The following SGCD variants were observed in gnomAD, a reference collection of about 807,000 sequenced individuals.
SGCD encodes sarcoglycan delta.
SGCD carries 18 observed loss-of-function variants against 36.6 expected under a neutral mutation model. The observed-to-expected ratio is 0.49, with a 90% CI of 0.34 to 0.73. SGCD has a LOEUF of 0.73. SGCD is among the 30% of genes least tolerant of loss of function. The probability of loss-of-function intolerance (pLI) is 0.01; values close to 1 mark genes in which losing one functional copy is unlikely to be tolerated. For missense variants in SGCD, 387 were observed against 346.7 expected (o/e 1.12, Z -0.92); for synonymous variants, 133 against 130.6 (o/e 1.02, Z -0.12).
intron 6 of SGCD, among the ~76,000 whole-genome samples, chr5:156,606,129 G>A (rs1434820052): frequency 6.6e-6 from 1 of 152,164 alleles, no homozygotes; most frequent in African/African-American, 2.4e-5. Context: ...CCATGCCTAT[G>A]TCCTGAATGG....
intron 1 of SGCD, among the ~76,000 whole-genome samples, chr5:156,057,092 A>G (rs1355368468): frequency 6.8e-6 from 1 of 146,760 alleles, no homozygotes; most frequent in Non-Finnish European, 1.5e-5. Context: ...TAAATAGACT[A>G]TCTCTTAGCT....
intron 3 of SGCD, among the ~76,000 whole-genome samples, chr5:156,426,390 G>T (rs1013770973): frequency 1.3e-5 from 2 of 151,866 alleles, no homozygotes; most frequent in African/African-American, 4.8e-5. Context: ...GTCTATTCAT[G>T]TTCTTTAATT....
intron 3 of SGCD, among the ~76,000 whole-genome samples, chr5:156,488,297 T>C (rs1215376964): frequency 6.6e-6 from 1 of 151,938 alleles, no homozygotes; most frequent in Non-Finnish European, 1.5e-5. Context: ...ACAAAAGGTG[T>C]AAGCATCAAA....
At chr5:156,217,695 T>G (rs551884790) in intron 3 of SGCD, among the ~76,000 whole-genome samples, 1 of 152,298 alleles carries the variant, frequency 6.6e-6, no homozygotes, top group Non-Finnish European at 1.5e-5. Flanking sequence ...TTCAAAAAAT[T>G]TTTAATCAGG....
intron 3 of SGCD, among the ~76,000 whole-genome samples, chr5:156,466,558 C>T (rs1190019564): frequency 6.6e-6 from 1 of 152,106 alleles, no homozygotes; most frequent in African/African-American, 2.4e-5. Flanking sequence ...ATTAAGAGTA[C>T]ACACTCTTTC....
intron 4 of SGCD, among the ~76,000 whole-genome samples, chr5:156,554,822 T>A (rs937335299): frequency 6.6e-5 from 10 of 152,054 alleles, no homozygotes; most frequent in Non-Finnish European, 1.3e-4. Context: ...TCCAAGTGTT[T>A]TCCACAGTAG....
At chr5:155,861,489 T>A in the SGCD span, among the ~76,000 whole-genome samples, 1 of 151,804 alleles carries the variant, frequency 6.6e-6, no homozygotes, top group East Asian at 2.0e-4. Context: ...GATCACAAGG[T>A]CACGGTACTA....
intron 3 of SGCD, among the ~76,000 whole-genome samples, chr5:156,304,724 G>A (rs1767157612): frequency 6.6e-6 from 1 of 152,180 alleles, no homozygotes; most frequent in South Asian, 2.1e-4. Flanking sequence ...GAAAATGTGG[G>A]AAAGTTTGAA....
chr5:155,991,936 T>G (rs769008242), intron 1 of SGCD, among the ~76,000 whole-genome samples: 3 of 152,236 alleles, frequency 2.0e-5, no homozygotes, highest in Non-Finnish European at 4.4e-5. Flanking sequence ...AGAATTTAAC[T>G]TGCTCTCTTA....
At chr5:155,808,757 AATGATG>A in the SGCD span, among the ~76,000 whole-genome samples, 1 of 152,152 alleles carries the variant, frequency 6.6e-6, no homozygotes, top group South Asian at 2.1e-4. Context: ...TGTTTAAAAC[AATGATG>A]ATGATGATGA....
chr5:155,981,575 A>G (rs1253866141), intron 1 of SGCD, among the ~76,000 whole-genome samples: 1 of 152,160 alleles, frequency 6.6e-6, no homozygotes, highest in Non-Finnish European at 1.5e-5. Context: ...CTTTACTCCA[A>G]GTGGTTGCCC....
chr5:155,888,618 T>C (rs1425147651), intron 1 of SGCD, among the ~76,000 whole-genome samples: 3 of 152,074 alleles, frequency 2.0e-5, no homozygotes, highest in Non-Finnish European at 4.4e-5. Context: ...CGAATGGTAA[T>C]AAACTGGGGG....
chr5:156,736,254 A>G (rs1481762742), intron 7 of SGCD, among the ~76,000 whole-genome samples: 1 of 150,548 alleles, frequency 6.6e-6, no homozygotes, highest in African/African-American at 2.4e-5. Flanking sequence ...CATCTTGGCC[A>G]CTCTTTGTGT....
At chr5:156,442,818 T>A (rs1439733085) in intron 3 of SGCD, among the ~76,000 whole-genome samples, 1 of 152,204 alleles carries the variant, frequency 6.6e-6, no homozygotes, top group Admixed American at 6.5e-5. Context: ...ACAGAAAATG[T>A]CCTTGCCCTT....
Position 155,922,712 on chromosome 5 carries a change from G to A in SGCD, c.-282+52288G>A, listed in dbSNP as rs145295592. On this transcript the variant is annotated intron_variant, in intron 1 of 9. Transcript: ENST00000517913. ...TTAGGTTATACTCAGCTCTGGGGAT[G>A]CTTATTTCCTCTCCCCCACTAGTGC... Among the ~76,000 whole-genome samples the A allele has an allele frequency of 1.6e-4, 24 of 152,274 alleles. 1 individual carries two copies. The East Asian group carries it at 4.4e-3, about 28-fold the overall frequency.
At chr5:156,730,086 CCTACA>C (rs1258361388) in intron 7 of SGCD, among the ~76,000 whole-genome samples, 1 of 149,074 alleles carries the variant, frequency 6.7e-6, no homozygotes, top group African/African-American at 2.5e-5. Context: ...ATAGTCCAGA[CCTACA>C]CTAAAGACAA....
chr5:155,987,732 T>A (rs539676017), intron 1 of SGCD, among the ~76,000 whole-genome samples: 1 of 152,146 alleles, frequency 6.6e-6, no homozygotes, highest in Non-Finnish European at 1.5e-5. Flanking sequence ...CTGAAAACAC[T>A]CCATTCTTCC....
chr5:155,813,545 T>C, the SGCD span, among the ~76,000 whole-genome samples: 1 of 152,188 alleles, frequency 6.6e-6, no homozygotes, highest in Non-Finnish European at 1.5e-5. Context: ...AGTGATCATA[T>C]TCCCAGGTCA....
chr5:155,803,278 T>A, the SGCD span, among the ~76,000 whole-genome samples: 2 of 152,144 alleles, frequency 1.3e-5, no homozygotes, highest in Non-Finnish European at 2.9e-5. Context: ...AGCGTGAGGC[T>A]ACTAAGGGAT....
Sources: gnomAD v4.1 joint callset for allele counts (sites outside exome capture counted in the v4.1 genomes callset) on GRCh38, gnomAD v4.1.1 for gene constraint, MANE v1.5 for transcripts, NCBI Gene and HGNC (gene_info 2026-07-23, HGNC 2026-07-21) for gene names.